Variants in CAVIN1 observed in about 807,000 individuals in gnomAD.
CAVIN1 encodes the protein caveolae-associated protein 1.
Under a neutral mutation model 24.0 loss-of-function variants are expected in CAVIN1, and 16 were observed. The ratio of observed to expected loss-of-function variants is 0.67; its 90% CI spans 0.45 to 1.01. The LOEUF (loss-of-function observed/expected upper bound fraction) is 1.01. Ranked by LOEUF, CAVIN1 falls within the 50% of genes least tolerant of loss-of-function variation. The pLI is 0.00. For synonymous variants in CAVIN1, 256 were observed against 256.4 expected (o/e 1.00, Z 0.02); for missense variants, 510 against 551.7 (o/e 0.92, Z 0.76).
chr17:42,411,203 A>AAAAAAAAAAAAAAAAAAAAAAC (rs1555586974), intron 1 of CAVIN1, among the ~76,000 whole-genome samples: 1 of 147,302 alleles, frequency 6.8e-6, no homozygotes, highest in African/African-American at 2.5e-5. Flanking sequence ...AAAAAAAAAA[A>AAAAAAAAAAAAAAAAAAAAAAC]AAAAAACTAA....
At chr17:42,421,123 T>C (rs2085542443) in intron 1 of CAVIN1, among the ~76,000 whole-genome samples, 1 of 152,142 alleles carries the variant, frequency 6.6e-6, no homozygotes, top group African/African-American at 2.4e-5. Context: ...GAGGAGTCTG[T>C]CATCCGTGGG....
intron 1 of CAVIN1, among the ~76,000 whole-genome samples, chr17:42,409,950 C>A (rs1364215263): frequency 6.6e-6 from 1 of 152,140 alleles, no homozygotes; most frequent in Non-Finnish European, 1.5e-5. Context: ...CATTACAGTT[C>A]CCCCTGCCCT....
chr17:42,410,892 C>CAAA lies in CAVIN1; in HGVS notation c.472-5507_472-5505dup, dbSNP rs774857493. The stretch of plus-strand genomic sequence containing the variant: ...CTGGCGACGGAGTGAGACTCTGTCT[C>CAAA]AAAAAAAAAAAAAAAAAAAAAAAAA... On this transcript the variant is annotated intron_variant, in intron 1 of 1. Coordinates refer to ENST00000357037, the MANE Select transcript of CAVIN1 (RefSeq NM_012232.6). Among the ~76,000 whole-genome samples the CAAA allele has an allele frequency of 1.0e-4, 8 of 76,388 alleles. 1 individual carries two copies. Among genetic ancestry groups the CAAA allele is most frequent in the African/African-American group, 4.3e-4 (8 of 18,498 alleles). The allele number at this position is 76,388 out of a possible 152,430, so 50.1% of individuals were successfully genotyped here.
chr17:42,421,129 G>A (rs1044133298), intron 1 of CAVIN1, among the ~76,000 whole-genome samples: 25 of 152,136 alleles, frequency 1.6e-4, no homozygotes, highest in African/African-American at 5.1e-4. Flanking sequence ...TCTGTCATCC[G>A]TGGGTAAGGG....
intron 1 of CAVIN1, among the ~76,000 whole-genome samples, chr17:42,413,558 CAAAAAGGGAAAAAAAAAAAAAAAA>C (rs1426823802): frequency 2.3e-4 from 13 of 57,054 alleles, no homozygotes; most frequent in African/African-American, 2.8e-4. Context: ...AAGTCTGTCT[CAAAAAGGGAAAAAAAAAAAAAAAA>C]AAAAAAAAAA....
At chr17:42,411,203 A>AAAAAAAAAAAAAAAAAAAAAAAAAC (rs1555586974) in intron 1 of CAVIN1, among the ~76,000 whole-genome samples, 2 of 147,302 alleles carry the variant, frequency 1.4e-5, no homozygotes, top group African/African-American at 5.0e-5. Context: ...AAAAAAAAAA[A>AAAAAAAAAAAAAAAAAAAAAAAAAC]AAAAAACTAA....
intron 1 of CAVIN1, among the ~76,000 whole-genome samples, chr17:42,413,585 A>G (rs2085494410): frequency 3.3e-5 from 4 of 120,392 alleles, no homozygotes; most frequent in Non-Finnish European, 5.4e-5. Flanking sequence ...AAAAAAAAAA[A>G]AAAAAAAAAA....
At position 42,404,574 on chromosome 17, in the gene CAVIN1, G is replaced by A; in HGVS notation, c.*113C>T. The A allele has an allele frequency of 1.4e-6, 1 of 690,832 alleles. No individual in the cohort carries two copies. Among genetic ancestry groups the A allele is most frequent in the South Asian group, 2.2e-5 (1 of 45,040 alleles). 42.8% of individuals were successfully genotyped at this position (690,832 alleles called of 1,614,324 possible). On this transcript the variant is annotated 3_prime_UTR_variant, in exon 2 of 2. Transcript: ENST00000357037. Reference sequence around the variant, plus strand: ...GGAGTGGAGTTCCTGGAGGTGTGGGGAGGGGGGCGTGTTTTCAATTTAGAA... The same window carrying A: ...GGAGTGGAGTTCCTGGAGGTGTGGGAAGGGGGGCGTGTTTTCAATTTAGAA...
At chr17:42,417,747 C>T (rs985395831) in intron 1 of CAVIN1, among the ~76,000 whole-genome samples, 11 of 152,184 alleles carry the variant, frequency 7.2e-5, no homozygotes, top group African/African-American at 2.7e-4. Flanking sequence ...CAACCTCCAT[C>T]TCCCAGGTTC....
rs763512989 is a variant in CAVIN1, at chr17:42,404,666, G to A, written c.*21C>T. On this transcript the variant is annotated 3_prime_UTR_variant, in exon 2 of 2. Coordinates refer to ENST00000357037, the MANE Select transcript of CAVIN1 (RefSeq NM_012232.6). ...AAGTTCGGAAGGAGCGAGGAATGGG[G>A]TGGGTGGCAGCGGGGGCGGCTCAGT... 7.2e-7 allele frequency: 1 copy of A among 1,392,274 alleles called. No individual in the cohort carries two copies. The highest frequency in any genetic ancestry group is 2.7e-5 in the East Asian group (1 of 37,420). The allele number at this position is 1,392,274 out of a possible 1,614,324, so 86.2% of individuals were successfully genotyped here. A position where few individuals can be genotyped will look rare whatever the true frequency, so the allele number is the denominator to read the frequency against.
At position 42,422,912 on chromosome 17, in the gene CAVIN1, G is replaced by C. The variant is rs938120060; in HGVS notation, c.186C>G (p.Ile62Met). The C allele has an allele frequency of 6.2e-7, 1 of 1,613,946 alleles. No individual in the cohort carries two copies. The highest frequency in any genetic ancestry group is 1.3e-5 in the African/African-American group (1 of 74,930). The change falls in exon 1 of 2, where the codon ATC becomes ATG. Residue 62 changes from isoleucine to methionine, a missense_variant. Coordinates refer to ENST00000357037, the MANE Select transcript of CAVIN1 (RefSeq NM_012232.6). ...VLVLSLLDKI[I>M]GAVDQIQLTQ... ...TCAGCTGGATCTGGTCTACGGCCCC[G>C]ATGATTTTGTCCAGGAGGCTCAGCA...
intron 1 of CAVIN1, among the ~76,000 whole-genome samples, chr17:42,409,377 T>G (rs894099488): frequency 3.9e-5 from 6 of 152,156 alleles, no homozygotes; most frequent in Admixed American, 1.3e-4. Context: ...CTGAGATTTC[T>G]CGCATGAGCC....
In CAVIN1 at chr17:42,404,260, T is replaced by G; in HGVS notation, c.*427A>C. On this transcript the variant is annotated 3_prime_UTR_variant, in exon 2 of 2. Coordinates refer to ENST00000357037, the MANE Select transcript of CAVIN1 (RefSeq NM_012232.6). Reference sequence around the variant, plus strand: ...CCCTTTAGGATTCAATCTTTCCTCTTTGGGCAGTTTTGGCTTTGAGTCCCC... The same window carrying G: ...CCCTTTAGGATTCAATCTTTCCTCTGTGGGCAGTTTTGGCTTTGAGTCCCC... 3 of 157,644 alleles carry G rather than the reference T, an allele frequency of 1.9e-5. No individual in the cohort carries two copies. The highest frequency in any genetic ancestry group is 6.5e-5 in the Admixed American group (1 of 15,424). 9.8% of individuals were successfully genotyped at this position (157,644 alleles called of 1,614,324 possible). A position where few individuals can be genotyped will look rare whatever the true frequency, so the allele number is the denominator to read the frequency against.
intron 1 of CAVIN1, among the ~76,000 whole-genome samples, chr17:42,413,566 GAAAAAAAAAAAAAA>G (rs60085741): frequency 8.2e-4 from 47 of 56,978 alleles, no homozygotes; most frequent in East Asian, 7.7e-3. Flanking sequence ...CTCAAAAAGG[GAAAAAAAAAAAAAA>G]AAAAAAAAAA....
intron 1 of CAVIN1, among the ~76,000 whole-genome samples, chr17:42,410,287 T>C (rs1177434082): frequency 1.3e-5 from 2 of 152,062 alleles, no homozygotes; most frequent in Non-Finnish European, 2.9e-5. Flanking sequence ...AGACCCAGGA[T>C]CTGCTTAGAG....
intron 1 of CAVIN1, among the ~76,000 whole-genome samples, chr17:42,415,380 T>C (rs2085505712): frequency 6.6e-6 from 1 of 151,822 alleles, no homozygotes; most frequent in African/African-American, 2.4e-5. Context: ...AATGAAGGAG[T>C]TGAAGTTGAT....
chr17:42,417,103 T>C (rs2085516498), intron 1 of CAVIN1, among the ~76,000 whole-genome samples: 1 of 152,100 alleles, frequency 6.6e-6, no homozygotes, highest in African/African-American at 2.4e-5. Context: ...TTTTTAGTCA[T>C]GAGCCGCATA....
rs1163582518 is a variant in CAVIN1, at chr17:42,421,942, G to A, written c.471+685C>T. On this transcript the variant is annotated intron_variant, in intron 1 of 1. Transcript: ENST00000357037. ...CCCGCCCGCTTCCAGGAGGCCCAGG[G>A]TGCCAGCGCGCCGCGGGTGAGGGTG... Among the ~76,000 whole-genome samples the A allele has an allele frequency of 1.3e-5, 2 of 152,210 alleles. 1 individual carries two copies.
At chr17:42,409,981 C>G (rs1480839355) in intron 1 of CAVIN1, among the ~76,000 whole-genome samples, 1 of 152,192 alleles carries the variant, frequency 6.6e-6, no homozygotes, top group African/African-American at 2.4e-5. Context: ...CACATAGCTC[C>G]TCAATCCTCG....
Sources: allele counts gnomAD v4.1 joint callset (sites outside exome capture counted in the v4.1 genomes callset), GRCh38; gene constraint gnomAD v4.1.1; transcripts MANE v1.5; gene names NCBI Gene and HGNC (gene_info 2026-07-23, HGNC 2026-07-21).